IQUB: variants seen among roughly 807,000 people sequenced by gnomAD.
IQUB encodes IQ motif and ubiquitin domain containing, also known as IQ motif and ubiquitin-like domain-containing protein.
In IQUB, 86 loss-of-function variants were observed where a neutral mutation model predicts 86.4. The observed-to-expected ratio is 1.00, with a 90% confidence interval of 0.84 to 1.19. The LOEUF is 1.19. IQUB is among the 50% of genes most tolerant of loss of function. The pLI is 0.00. For synonymous variants in IQUB, 289 were observed against 304.5 expected (o/e 0.95, Z 0.53); for missense variants, 946 against 916.9 (o/e 1.03, Z -0.41).
rs191927167 is a variant in IQUB at position 123,467,534 on chromosome 7, G to A, written c.1581+1680C>T. ...GCAGTATAAAGACCCAGGATCCTGTGAGAGTCTGGGGTATGTGAAAACAAA... is the reference window on the plus strand; with the variant it reads ...GCAGTATAAAGACCCAGGATCCTGTAAGAGTCTGGGGTATGTGAAAACAAA... On this transcript the variant is annotated intron_variant, in intron 9 of 12. Coordinates refer to ENST00000324698, the MANE Select transcript of IQUB (RefSeq NM_178827.5). Among the ~76,000 whole-genome samples, 2 of 152,310 alleles carry A rather than the reference G, an allele frequency of 1.3e-5. 1 individual carries two copies. The highest frequency in any genetic ancestry group is 1.3e-4 in the Admixed American group (2 of 15,294).
chr7:123,477,387 T>C (rs557933273), intron 8 of IQUB, among the ~76,000 whole-genome samples: 4 of 152,312 alleles, frequency 2.6e-5, no homozygotes, highest in Non-Finnish European at 4.4e-5. Context: ...GCTAGCCATA[T>C]GGAGAAAGCT....
chr7:123,471,132 T>C (rs1259219274), intron 8 of IQUB, among the ~76,000 whole-genome samples: 1 of 152,140 alleles, frequency 6.6e-6, no homozygotes, highest in Admixed American at 6.6e-5. Context: ...GCTGCAGCCC[T>C]ATAATTAATT....
At chr7:123,525,965 T>C (rs1015702191) in intron 1 of IQUB, among the ~76,000 whole-genome samples, 1 of 138,182 alleles carries the variant, frequency 7.2e-6, no homozygotes, top group African/African-American at 2.7e-5. Context: ...ATGTACCCAG[T>C]AGTCATTCAG....
chr7:123,459,053 ATATT>A (rs1793854938), intron 11 of IQUB, among the ~76,000 whole-genome samples: 1 of 152,024 alleles, frequency 6.6e-6, no homozygotes, highest in Non-Finnish European at 1.5e-5. Context: ...ACTGAAATAA[ATATT>A]AATCAAAACT....
At chr7:123,488,030 G>A (rs1017617563) in intron 7 of IQUB, among the ~76,000 whole-genome samples, 1 of 151,984 alleles carries the variant, frequency 6.6e-6, no homozygotes, top group South Asian at 2.1e-4. Context: ...TATTAAACAC[G>A]TGGACAGCAT....
chr7:123,526,545 T>G lies in IQUB; in HGVS notation c.-5+7947A>C, dbSNP rs572936182. Among the ~76,000 whole-genome samples the G allele has an allele frequency of 5.5e-3, 828 of 151,902 alleles. 5 individuals are homozygous for G. The highest frequency in any genetic ancestry group is 8.3e-3 in the Non-Finnish European group (564 of 67,930). On this transcript the variant is annotated intron_variant, in intron 1 of 12. Transcript: ENST00000324698. ...CCCCTGCCTTTTTTTGTTTTCCATT[T>G]GCTTGGTAGATCTTCCTCCATCCTT...
rs1794916441 is a variant in IQUB, at chr7:123,479,874, ATC to A, written c.1329_1330del (p.Gln443HisfsTer9). The A allele has an allele frequency of 6.2e-7, 1 of 1,613,066 alleles. No homozygotes were observed. Among genetic ancestry groups the A allele is most frequent in the African/African-American group, 1.3e-5 (1 of 74,966 alleles). On this transcript the variant is annotated frameshift_variant, in exon 8 of 13. Transcript: ENST00000324698. LOFTEE classifies it high-confidence loss of function. ...TCTATGTCTCCCAATGGAAGCAATT[ATC>A]TGAGTCTCTTTTTCCAGAAGTTCAC... is the stretch of plus-strand genomic sequence containing the variant.
At chr7:123,516,221 TC>T (rs952882486) in intron 1 of IQUB, among the ~76,000 whole-genome samples, 6 of 152,024 alleles carry the variant, frequency 3.9e-5, no homozygotes, top group Admixed American at 2.0e-4. Context: ...AAAGAACTGA[TC>T]CCAGATGTAA....
At chr7:123,476,608 C>T (rs545171650) in intron 8 of IQUB, among the ~76,000 whole-genome samples, 1 of 151,672 alleles carries the variant, frequency 6.6e-6, no homozygotes, top group African/African-American at 2.4e-5. Context: ...AGAATTGAGA[C>T]GTGAAACTGG....
intron 9 of IQUB, among the ~76,000 whole-genome samples, chr7:123,467,294 C>A (rs888448308): frequency 3.9e-5 from 6 of 151,974 alleles, no homozygotes; most frequent in Non-Finnish European, 7.4e-5. Flanking sequence ...GAGTGTGCTG[C>A]CCAGATCAGC....
At chr7:123,492,935 AG>A (rs1795535985) in intron 7 of IQUB, among the ~76,000 whole-genome samples, 1 of 152,182 alleles carries the variant, frequency 6.6e-6, no homozygotes, top group Admixed American at 6.5e-5. Context: ...CAGGACCAAG[AG>A]CACCTCAAAT....
chr7:123,513,022 C>G (rs1401079560), intron 1 of IQUB, among the ~76,000 whole-genome samples: 1 of 152,124 alleles, frequency 6.6e-6, no homozygotes, highest in East Asian at 1.9e-4. Context: ...TCCAATATAG[C>G]AGGGAGCCCA....
At chr7:123,474,049 T>G (rs1248791038) in intron 8 of IQUB, among the ~76,000 whole-genome samples, 2 of 152,192 alleles carry the variant, frequency 1.3e-5, no homozygotes, top group African/African-American at 2.4e-5. Context: ...TGGACAAATT[T>G]AAGACTGTAT....
At chr7:123,472,679 T>C (rs1794583962) in intron 8 of IQUB, among the ~76,000 whole-genome samples, 1 of 152,236 alleles carries the variant, frequency 6.6e-6, no homozygotes, top group African/African-American at 2.4e-5. Flanking sequence ...ACTGAAAAGA[T>C]ATTAAAAAAT....
At chr7:123,529,239 T>C (rs1036476175) in intron 1 of IQUB, among the ~76,000 whole-genome samples, 17 of 152,106 alleles carry the variant, frequency 1.1e-4, no homozygotes, top group African/African-American at 3.6e-4. Flanking sequence ...TTATATAATA[T>C]ATATACATTT....
At chr7:123,527,453 C>G (rs1797290168) in intron 1 of IQUB, among the ~76,000 whole-genome samples, 1 of 152,144 alleles carries the variant, frequency 6.6e-6, no homozygotes, top group Non-Finnish European at 1.5e-5. Flanking sequence ...GTTTTATCTA[C>G]TTTTGGTCTT....
chr7:123,467,898 A>G (rs914744967), intron 9 of IQUB, among the ~76,000 whole-genome samples: 7 of 152,228 alleles, frequency 4.6e-5, no homozygotes, highest in African/African-American at 1.7e-4. Context: ...AATGTAAGAC[A>G]TAGCGCAAGT....
intron 1 of IQUB, among the ~76,000 whole-genome samples, chr7:123,513,710 C>T (rs779633947): frequency 1.3e-5 from 2 of 152,052 alleles, no homozygotes; most frequent in Non-Finnish European, 2.9e-5. Flanking sequence ...GTGCAGTGGT[C>T]CAATCTCGGC....
At chr7:123,533,220 G>T (rs1797625857) in intron 1 of IQUB, among the ~76,000 whole-genome samples, 1 of 152,208 alleles carries the variant, frequency 6.6e-6, no homozygotes, top group African/African-American at 2.4e-5. Flanking sequence ...AAATAGTGCT[G>T]CAACAAACAT....
Sources: allele counts gnomAD v4.1 joint callset (sites outside exome capture counted in the v4.1 genomes callset), GRCh38; gene constraint gnomAD v4.1.1; transcripts MANE v1.5; gene names NCBI Gene and HGNC (gene_info 2026-07-23, HGNC 2026-07-21).